FRAS1: variants seen among roughly 807,000 people sequenced by gnomAD.
FRAS1 encodes extracellular matrix organizing protein FRAS1.
A neutral mutation model predicts 435.2 loss-of-function variants in FRAS1; 290 were observed. The ratio of observed to expected loss-of-function variants is 0.67; its 90% CI spans 0.61 to 0.73. The LOEUF (loss-of-function observed/expected upper bound fraction) is 0.73. Among genes scored for constraint, FRAS1 ranks in the 30% least tolerant of loss-of-function variants. FRAS1 has a pLI of 0.00. For synonymous variants in FRAS1, 1,800 were observed against 1,851.0 expected (o/e 0.97, Z 0.71); for missense variants, 4,860 against 5,001.5 (o/e 0.97, Z 0.85).
In FRAS1 at chr4:78,374,161, T is replaced by C. The variant is rs1372509959; in HGVS notation, c.3061T>C (p.Cys1021Arg). The change falls in exon 25 of 74, where the codon TGC (cysteine) becomes CGC (arginine). Residue 1021 changes from cysteine (C) to arginine (R), a missense_variant. By Grantham distance (180) the Cys-to-Arg change is radical. Transcript: ENST00000512123. ...QCQGPHECTRCKGPFLLLEAQ... is the reference protein window; with the variant it reads ...QCQGPHECTRRKGPFLLLEAQ... Reference sequence around the variant, plus strand: ...CCAAGGTCCCCATGAGTGTACCCGCTGCAAAGGGCCATTTCTCCTCTTGGA... The same window carrying C: ...CCAAGGTCCCCATGAGTGTACCCGCCGCAAAGGGCCATTTCTCCTCTTGGA... 1 of 1,605,996 alleles carries C rather than the reference T, an allele frequency of 6.2e-7. No homozygotes were observed. Among genetic ancestry groups the C allele is most frequent in the Admixed American group, 1.7e-5 (1 of 59,948 alleles).
intron 2 of FRAS1, among the ~76,000 whole-genome samples, chr4:78,177,801 G>A (rs1721839428): frequency 6.6e-6 from 1 of 152,052 alleles, no homozygotes; most frequent in Non-Finnish European, 1.5e-5. Context: ...CATACGGATT[G>A]GATTGAACAC....
rs1035066493 is a variant in FRAS1, at chr4:78,540,939, G to A, written c.11854G>A (p.Val3952Ile). 5.0e-6 allele frequency: 8 copies of A among 1,613,970 alleles called. No homozygotes were observed. The highest frequency in any genetic ancestry group is 3.3e-5 in the Admixed American group (2 of 60,024). The stretch of plus-strand genomic sequence containing the variant: ...GGAAGAATATCCTCTGAATACCAAG[G>A]TAGAAGTGCCCAAGAGGCACCCGGA... ...ILEEYPLNTKVEVPKRHPDRV... is the reference protein window; with the variant it reads ...ILEEYPLNTKIEVPKRHPDRV... The change falls in exon 74 of 74, where the codon GTA (valine) becomes ATA (isoleucine). Residue 3952 changes from valine (V) to isoleucine (I), a missense_variant. Val to Ile is a conservative substitution (Grantham distance 29, BLOSUM62 3). Transcript: ENST00000512123.
At chr4:78,452,691 G>T (rs1052167962) in intron 47 of FRAS1, among the ~76,000 whole-genome samples, 8 of 152,206 alleles carry the variant, frequency 5.3e-5, no homozygotes, top group Non-Finnish European at 1.2e-4. Context: ...AAGGCATTCT[G>T]CATGGCTTAA....
chr4:78,357,820 G>T (rs1015106772), intron 20 of FRAS1, among the ~76,000 whole-genome samples: 2 of 152,140 alleles, frequency 1.3e-5, no homozygotes, highest in Admixed American at 1.3e-4. Context: ...GGAGGATCCT[G>T]GAGCCCCGAG....
At chr4:78,519,298 A>T in intron 66 of FRAS1, 33 bp from the exon 67 acceptor site, 11 of 1,470,880 alleles carry the variant, frequency 7.5e-6, no homozygotes, top group Non-Finnish European at 9.0e-6. Flanking sequence ...CCAGGGGAGA[A>T]ATAACTCTGT....
intron 63 of FRAS1, 45 bp downstream of exon 63, chr4:78,509,051 A>G (rs1441293839): frequency 2.5e-6 from 4 of 1,591,674 alleles, no homozygotes; most frequent in Non-Finnish European, 3.4e-6. Context: ...CTGGGAGAGA[A>G]CTGGTGTTGT....
chr4:78,459,639 A>G (rs754644717), intron 47 of FRAS1, among the ~76,000 whole-genome samples: 1 of 152,254 alleles, frequency 6.6e-6, no homozygotes, highest in Non-Finnish European at 1.5e-5. Context: ...GCAGAGGCAT[A>G]TTAGCTTGCT....
chr4:78,498,842 T>TTTTATTTA (rs61394042), intron 60 of FRAS1, among the ~76,000 whole-genome samples: 80,887 of 147,542 alleles, frequency 0.55, 23,591 homozygotes, highest in South Asian at 0.8. Flanking sequence ...CAATATATTA[T>TTTTATTTA]TTTATTTATT....
chr4:78,429,933 C>A (rs1397067590), intron 36 of FRAS1, among the ~76,000 whole-genome samples: 1 of 152,058 alleles, frequency 6.6e-6, no homozygotes, highest in South Asian at 2.1e-4. Context: ...AGGGACAAAA[C>A]AATGAAATGC....
intron 14 of FRAS1, among the ~76,000 whole-genome samples, chr4:78,306,989 C>T (rs374690821): frequency 3.9e-5 from 6 of 152,136 alleles, no homozygotes; most frequent in Non-Finnish European, 5.9e-5. Flanking sequence ...TCCCCATCTT[C>T]GTGGTTTTAT....
chr4:78,115,743 G>C (rs1419045929), intron 2 of FRAS1, among the ~76,000 whole-genome samples: 2 of 151,734 alleles, frequency 1.3e-5, no homozygotes, highest in Non-Finnish European at 2.9e-5. Flanking sequence ...AGTCTTGATA[G>C]TGGTCTATCA....
chr4:78,368,985 A>C (rs1731388315), intron 22 of FRAS1, among the ~76,000 whole-genome samples: 1 of 152,106 alleles, frequency 6.6e-6, no homozygotes, highest in African/African-American at 2.4e-5. Context: ...TTTAAAACCC[A>C]CTCTGGTGGA....
chr4:78,522,779 A>C lies in FRAS1; in HGVS notation c.10779A>C (p.Gln3593His), dbSNP rs1315112114. 6.2e-7 allele frequency: 1 copy of C among 1,611,138 alleles called. No homozygotes were observed. Among genetic ancestry groups the C allele is most frequent in the Non-Finnish European group, 8.5e-7 (1 of 1,178,728 alleles). ...WSAQTFDSPHQLWRATSSYNR... is the reference protein window; with the variant it reads ...WSAQTFDSPHHLWRATSSYNR... Reference sequence around the variant, plus strand: ...CTCAGACTTTTGATTCTCCACATCAACTCTGGAGAGCCACAAGCTCTTATA... The same window carrying C: ...CTCAGACTTTTGATTCTCCACATCACCTCTGGAGAGCCACAAGCTCTTATA... Residue 3593 changes from glutamine to histidine, a missense_variant, in exon 69 of 74, where the codon CAA (glutamine) becomes CAC (histidine). Gln to His is a conservative substitution (Grantham distance 24). Transcript: ENST00000512123.
In FRAS1 at chr4:78,369,763, T is replaced by C. The variant is rs1467373696; in HGVS notation, c.2723-75T>C. 3.7e-6 allele frequency: 5 copies of C among 1,343,036 alleles called. No individual in the cohort carries two copies. In the African/African-American group the frequency reaches 5.8e-5, roughly 16 times the overall value. 83.2% of individuals were successfully genotyped at this position (1,343,036 alleles called of 1,614,324 possible). The stretch of plus-strand genomic sequence containing the variant: ...AACAAGGCTTTGTTCCTATGCAACA[T>C]CTGTCTAGGTTTGATCAGTGCTTCA... On this transcript the variant is annotated intron_variant, in intron 22 of 73. Transcript: ENST00000512123.
chr4:78,422,998 G>A (rs967187716), intron 34 of FRAS1, among the ~76,000 whole-genome samples: 1 of 152,076 alleles, frequency 6.6e-6, no homozygotes, highest in East Asian at 1.9e-4. Flanking sequence ...AAGCCAGTGT[G>A]TGCCCTTCCA....
At chr4:78,252,606 A>G in intron 5 of FRAS1, 55 bp downstream of exon 5, 2 of 1,494,928 alleles carry the variant, frequency 1.3e-6, no homozygotes, top group South Asian at 1.2e-5. Flanking sequence ...TCACATGGCT[A>G]TCGGGGGAAC....
chr4:78,332,061 A>G (rs538034094), intron 18 of FRAS1, among the ~76,000 whole-genome samples: 1 of 152,322 alleles, frequency 6.6e-6, no homozygotes, highest in South Asian at 2.1e-4. Context: ...TAGGGTAAGC[A>G]GGCTTAGGAT....
intron 13 of FRAS1, chr4:78,286,177 C>T: frequency 1.5e-6 from 1 of 658,308 alleles, no homozygotes; most frequent in Non-Finnish European, 2.8e-6. Context: ...TATCTACCTC[C>T]TAGGGTGGTT....
At chr4:78,214,341 T>C (rs1331875634) in intron 2 of FRAS1, among the ~76,000 whole-genome samples, 1 of 152,228 alleles carries the variant, frequency 6.6e-6, no homozygotes, top group Admixed American at 6.5e-5. Flanking sequence ...CTGTCATAAA[T>C]TGTTTTGCCA....
Sources: allele counts gnomAD v4.1 joint callset (sites outside exome capture counted in the v4.1 genomes callset), GRCh38; gene constraint gnomAD v4.1.1; transcripts MANE v1.5; gene names NCBI Gene and HGNC (gene_info 2026-07-23, HGNC 2026-07-21).